CDH4: variants seen among roughly 807,000 people sequenced by gnomAD.
The protein encoded by CDH4 is cadherin 4.
Under a neutral mutation model 86.0 loss-of-function variants are expected in CDH4, and 33 were observed. That is an observed-to-expected ratio of 0.38 (90% CI 0.29 to 0.51). The LOEUF (loss-of-function observed/expected upper bound fraction) is 0.51. Ranked by LOEUF, CDH4 falls within the 20% of genes least tolerant of loss-of-function variation. CDH4 has a pLI of 0.86. For synonymous variants in CDH4, 555 were observed against 549.4 expected (o/e 1.01, Z -0.14); for missense variants, 1,114 against 1,307.4 (o/e 0.85, Z 2.28).
intron 4 of CDH4, among the ~76,000 whole-genome samples, chr20:61,804,364 C>G (rs1366103813): frequency 6.6e-6 from 1 of 152,210 alleles, no homozygotes; most frequent in African/African-American, 2.4e-5. Flanking sequence ...GAGCTGTCCC[C>G]TGCACAGCCA....
rs1439848352 is a variant in CDH4, at chr20:61,269,245, G to T, written c.169+14308G>T. ...TGGGGTGCTGACATAGGACAGTTTG[G>T]CACTGCCACTACCTTAGTGGCCCTG... On this transcript the variant is annotated intron_variant, in intron 2 of 15. Transcript: ENST00000614565. The surrounding 1 kb of genome is among the most constrained non-coding windows in gnomAD (Gnocchi z 5.3). Among the ~76,000 whole-genome samples, 1 of 152,134 alleles carries T rather than the reference G, an allele frequency of 6.6e-6. No individual in the cohort carries two copies. Among genetic ancestry groups the T allele is most frequent in the Admixed American group, 6.5e-5 (1 of 15,280 alleles).
intron 2 of CDH4, among the ~76,000 whole-genome samples, chr20:61,652,930 A>ATTTTTTTTTTTT (rs1200927520): frequency 4.3e-4 from 46 of 108,030 alleles, no homozygotes; most frequent in African/African-American, 1.2e-3. Flanking sequence ...TTATTTATTT[A>ATTTTTTTTTTTT]TTTATTTATT....
chr20:61,936,861 A>C lies in CDH4; in HGVS notation c.2669A>C (p.Asp890Ala). The C allele has an allele frequency of 1.2e-6, 2 of 1,608,566 alleles. No individual in the cohort carries two copies. The highest frequency in any genetic ancestry group is 1.7e-6 in the Non-Finnish European group (2 of 1,178,246). Residue 890 changes from aspartate (D) to alanine (A), a missense_variant, in exon 16 of 16, where the codon GAC (aspartate) becomes GCC (alanine). Asp to Ala is a moderately radical substitution (Grantham distance 126, BLOSUM62 -2). Transcript: ENST00000614565. ...VSSLNSSSSG[D>A]QDYDYLNDWG... ...TCCCTGAACTCATCCAGTTCCGGGG[A>C]CCAAGACTACGATTACCTCAACGAC...
intron 2 of CDH4, among the ~76,000 whole-genome samples, chr20:61,265,856 C>T (rs1199013094): frequency 1.3e-5 from 2 of 152,196 alleles, no homozygotes; most frequent in African/African-American, 2.4e-5. Flanking sequence ...CTGCCTGGCT[C>T]CAGGAGCTCC....
intron 2 of CDH4, among the ~76,000 whole-genome samples, chr20:61,357,615 T>A (rs2084758370): frequency 6.6e-6 from 1 of 152,250 alleles, no homozygotes; most frequent in Non-Finnish European, 1.5e-5. Flanking sequence ...AGGCAGCCCA[T>A]GACCTGCTGT....
intron 2 of CDH4, among the ~76,000 whole-genome samples, chr20:61,720,221 C>G (rs1217687857): frequency 2.0e-5 from 3 of 152,118 alleles, no homozygotes; most frequent in African/African-American, 7.2e-5. Flanking sequence ...GAGCTGAAGT[C>G]TCCCCATCTC....
intron 4 of CDH4, among the ~76,000 whole-genome samples, chr20:61,787,224 C>T (rs1277520421): frequency 1.3e-5 from 2 of 152,190 alleles, no homozygotes; most frequent in Non-Finnish European, 2.9e-5. Context: ...TTGGTTCTCA[C>T]GCTGCTAATA....
intron 2 of CDH4, among the ~76,000 whole-genome samples, chr20:61,673,282 C>G (rs2087410392): frequency 6.6e-6 from 1 of 152,180 alleles, no homozygotes; most frequent in African/African-American, 2.4e-5. Flanking sequence ...ACTTCGGAGC[C>G]CCTGAATCTC....
intron 2 of CDH4, among the ~76,000 whole-genome samples, chr20:61,406,121 G>T (rs976861255): frequency 3.9e-5 from 6 of 152,194 alleles, no homozygotes; most frequent in African/African-American, 1.2e-4. Flanking sequence ...CACTTGGCTT[G>T]CAAGGTTACA....
At chr20:61,567,149 A>C (rs1379615384) in intron 2 of CDH4, among the ~76,000 whole-genome samples, 1 of 152,182 alleles carries the variant, frequency 6.6e-6, no homozygotes, top group African/African-American at 2.4e-5. Context: ...TAAAAGTAGC[A>C]TGTTTCAAAT....
chr20:61,679,729 C>T (rs558530788), intron 2 of CDH4, among the ~76,000 whole-genome samples: 1 of 152,342 alleles, frequency 6.6e-6, no homozygotes, highest in African/African-American at 2.4e-5. Flanking sequence ...GAGCCTGTGG[C>T]CCCTGTGTGT....
At chr20:61,718,542 C>G (rs1320418975) in intron 2 of CDH4, 1 of 323,524 alleles carries the variant, frequency 3.1e-6, no homozygotes, top group Non-Finnish European at 6.1e-6. Flanking sequence ...CTTCCTGGAA[C>G]AGGCCAACCT....
At chr20:61,882,868 G>T (rs1020384121) in intron 7 of CDH4, among the ~76,000 whole-genome samples, 1 of 125,914 alleles carries the variant, frequency 7.9e-6, no homozygotes, top group Non-Finnish European at 1.6e-5. Flanking sequence ...GGCCGGCCCC[G>T]CAGGTGCCTT....
At chr20:61,927,233 A>T (rs547188331) in intron 11 of CDH4, among the ~76,000 whole-genome samples, 2 of 152,254 alleles carry the variant, frequency 1.3e-5, no homozygotes, top group South Asian at 4.1e-4. Context: ...TACAGTCAGA[A>T]CATGCCGCCA....
chr20:61,431,996 A>G (rs6089594), intron 2 of CDH4, among the ~76,000 whole-genome samples: 4,334 of 152,220 alleles, frequency 0.028, 98 homozygotes, highest in Non-Finnish European at 0.043. Context: ...TTCTAATGCC[A>G]AGCAGCACTC....
chr20:61,561,142 G>C (rs1023260646), intron 2 of CDH4, among the ~76,000 whole-genome samples: 1 of 152,104 alleles, frequency 6.6e-6, no homozygotes, highest in Non-Finnish European at 1.5e-5. Flanking sequence ...CCAAGACCTG[G>C]GTGCACAGAC....
intron 2 of CDH4, among the ~76,000 whole-genome samples, chr20:61,558,301 C>A (rs1488282259): frequency 6.6e-6 from 1 of 152,128 alleles, no homozygotes; most frequent in South Asian, 2.1e-4. Context: ...AAATCTAGGA[C>A]CATCCTTTCA....
chr20:61,694,213 C>G, intron 2 of CDH4, among the ~76,000 whole-genome samples: 1 of 152,222 alleles, frequency 6.6e-6, no homozygotes, highest in South Asian at 2.1e-4. Context: ...GTTTCCTAAA[C>G]GTGCAGGGTG....
At chr20:61,412,051 G>A (rs977800824) in intron 2 of CDH4, among the ~76,000 whole-genome samples, 5 of 152,218 alleles carry the variant, frequency 3.3e-5, no homozygotes, top group African/African-American at 1.2e-4. Flanking sequence ...CAGAGCCAAG[G>A]AAGGAGGCCT....
Sources: allele counts gnomAD v4.1 joint callset (sites outside exome capture counted in the v4.1 genomes callset), GRCh38; gene constraint gnomAD v4.1.1; non-coding constraint Gnocchi (gnomAD v3.1); transcripts MANE v1.5; gene names NCBI Gene and HGNC (gene_info 2026-07-23, HGNC 2026-07-21).